The following RAB27B variants were observed in gnomAD, a reference collection of about 807,000 sequenced individuals.
RAB27B encodes the protein ras-related protein Rab-27B.
Under a neutral mutation model 24.6 loss-of-function variants are expected in RAB27B, and 15 were observed. The ratio of observed to expected loss-of-function variants is 0.61; its 90% CI spans 0.41 to 0.94. The LOEUF (loss-of-function observed/expected upper bound fraction) is 0.94. Among genes scored for constraint, RAB27B ranks in the 40% least tolerant of loss-of-function variants. RAB27B has a pLI of 0.00. For missense variants in RAB27B, 261 were observed against 266.8 expected, an observed-to-expected ratio of 0.98 and a Z score of 0.15; for synonymous variants, 105 against 92.5, an observed-to-expected ratio of 1.14 and a Z score of -0.78.
At chr18:54,801,020 T>TG (rs1436545118) in intron 2 of RAB27B, among the ~76,000 whole-genome samples, 5 of 145,008 alleles carry the variant, frequency 3.4e-5, no homozygotes, top group Admixed American at 6.8e-5. Context: ...TTTTTTTTTT[T>TG]TTTTTTTTTT....
rs371416763 is a variant in RAB27B at position 54,779,495 on chromosome 18, A to G, written c.-20+61354A>G. Among the ~76,000 whole-genome samples, 156 of 152,302 alleles carry G rather than the reference A, an allele frequency of 1.0e-3. 4 individuals carry two copies. The South Asian group carries it at 0.028, about 27-fold the overall frequency. On this transcript the variant is annotated intron_variant, in intron 2 of 4. Coordinates refer to the RAB27B transcript ENST00000586570. Reference sequence around the variant, plus strand: ...GACTGCTCGGTGGGACACAACACAGACAGAATCCCAAGATTAATGCCTCAT... The same window carrying G: ...GACTGCTCGGTGGGACACAACACAGGCAGAATCCCAAGATTAATGCCTCAT...
intron 2 of RAB27B, among the ~76,000 whole-genome samples, chr18:54,797,661 A>C (rs766254085): frequency 9.2e-5 from 14 of 152,186 alleles, no homozygotes; most frequent in Non-Finnish European, 1.9e-4. Flanking sequence ...CTAAATCTGG[A>C]GTCTAATGAG....
intron 2 of RAB27B, among the ~76,000 whole-genome samples, chr18:54,775,877 C>T (rs528676746): frequency 6.6e-6 from 1 of 152,296 alleles, no homozygotes; most frequent in South Asian, 2.1e-4. Flanking sequence ...CAACATCATC[C>T]ACCTACTGGG....
At chr18:54,826,098 A>T (rs1281238743), upstream of RAB27B, among the ~76,000 whole-genome samples, 3 of 152,256 alleles carry the variant, frequency 2.0e-5, no homozygotes, top group Non-Finnish European at 4.4e-5. Flanking sequence ...ATTTAAAAAA[A>T]TTCATTTATT....
chr18:54,877,101 T>C (rs1032098885), intron 1 of RAB27B, among the ~76,000 whole-genome samples: 4 of 152,170 alleles, frequency 2.6e-5, no homozygotes, highest in Non-Finnish European at 5.9e-5. Context: ...TTTTTCATGA[T>C]AGTGAGTTCT....
rs183204493 is a variant in RAB27B, at chr18:54,877,592, G to A, written c.7G>A (p.Asp3Asn). 48 of 1,556,696 alleles carry A rather than the reference G, an allele frequency of 3.1e-5. No individual in the cohort carries two copies. The highest frequency in any genetic ancestry group is 2.7e-4 in the African/African-American group (19 of 71,366). The change falls in exon 2 of 6, where the codon GAT becomes AAT. Residue 3 changes from aspartate to asparagine, a missense_variant. Coordinates refer to ENST00000262094, the MANE Select transcript of RAB27B (RefSeq NM_004163.4). ...ACCGACCAAGACCATCACTATGACC[G>A]ATGGAGACTATGATTATCTGATCAA... is the stretch of plus-strand genomic sequence containing the variant. MT[D>N]GDYDYLIKLL...
At chr18:54,735,556 CTG>C (rs1909864360) in intron 2 of RAB27B, among the ~76,000 whole-genome samples, 1 of 152,120 alleles carries the variant, frequency 6.6e-6, no homozygotes, top group Admixed American at 6.6e-5. Flanking sequence ...GTGTTTCACT[CTG>C]TTGCCCAGGC....
At chr18:54,868,141 AGAGATGCTAAGTGGGG>A (rs1912314550) in intron 1 of RAB27B, among the ~76,000 whole-genome samples, 1 of 152,122 alleles carries the variant, frequency 6.6e-6, no homozygotes, top group Non-Finnish European at 1.5e-5. Flanking sequence ...TAAAAGTGGG[AGAGATGCTAAGTGGGG>A]GAGATGCCTC....
intron 3 of RAB27B, chr18:54,880,796 C>T (rs1476975367): frequency 6.6e-6 from 1 of 152,094 alleles, no homozygotes; most frequent in Non-Finnish European, 1.5e-5. Context: ...TCTGTCTGTC[C>T]CCTGAAGGCA....
chr18:54,722,278 A>G (rs144283120), intron 2 of RAB27B, among the ~76,000 whole-genome samples: 1 of 152,294 alleles, frequency 6.6e-6, no homozygotes, highest in East Asian at 1.9e-4. Flanking sequence ...ACAGAAAAAG[A>G]AAGAATTGTT....
intron 1 of RAB27B, among the ~76,000 whole-genome samples, chr18:54,862,129 A>T (rs561840465): frequency 4.6e-5 from 7 of 152,302 alleles, no homozygotes; most frequent in Non-Finnish European, 8.8e-5. Context: ...AAGCAGAAAA[A>T]TTTTTGAAAT....
upstream of RAB27B, among the ~76,000 whole-genome samples, chr18:54,824,955 A>G (rs908194835): frequency 1.3e-5 from 2 of 151,856 alleles, no homozygotes; most frequent in Admixed American, 1.3e-4. Context: ...TTGGGGTTTC[A>G]TCTCTTCCTC....
intron 2 of RAB27B, 141 bp from the exon 3 acceptor site, chr18:54,879,228 A>G: frequency 1.5e-6 from 1 of 652,062 alleles, no homozygotes; most frequent in South Asian, 1.9e-5. Context: ...ATAATTCTGG[A>G]AAAAAATAAA....
chr18:54,873,796 GAAAT>G (rs372564924), intron 1 of RAB27B, among the ~76,000 whole-genome samples: 6 of 150,964 alleles, frequency 4.0e-5, no homozygotes, highest in East Asian at 2.0e-4. Context: ...TAAAAAATAA[GAAAT>G]AAAATTCATT....
At chr18:54,847,990 C>T (rs1911406998) in intron 1 of RAB27B, among the ~76,000 whole-genome samples, 1 of 152,188 alleles carries the variant, frequency 6.6e-6, no homozygotes, top group African/African-American at 2.4e-5. Flanking sequence ...AATTTATGGA[C>T]AGCAAAAGGA....
chr18:54,784,419 G>A (rs757406231), intron 2 of RAB27B, among the ~76,000 whole-genome samples: 9 of 152,100 alleles, frequency 5.9e-5, no homozygotes, highest in Non-Finnish European at 8.8e-5. Context: ...ACATTGTACC[G>A]GATAGATTGT....
intron 2 of RAB27B, among the ~76,000 whole-genome samples, chr18:54,797,494 C>T (rs1488740067): frequency 6.6e-6 from 1 of 152,038 alleles, no homozygotes; most frequent in Non-Finnish European, 1.5e-5. Flanking sequence ...CCAATTTGGG[C>T]CACAGAGTGA....
chr18:54,722,009 C>A (rs1385932704), intron 2 of RAB27B, among the ~76,000 whole-genome samples: 1 of 152,078 alleles, frequency 6.6e-6, no homozygotes, highest in Non-Finnish European at 1.5e-5. Flanking sequence ...ACCCTTGGAG[C>A]CCGTTTCATA....
rs188216417 is a variant in RAB27B at position 54,887,661 on chromosome 18, C to T, written c.344-334C>T. ...AAGAAATCTCCTTAAGCAAGAACAG[C>T]GCATGGATTAAAAAGATCTTCCAAA... On this transcript the variant is annotated intron_variant, in intron 4 of 5. Transcript: ENST00000262094. Among the ~76,000 whole-genome samples the T allele has an allele frequency of 4.3e-3, 656 of 151,850 alleles. 1 individual carries two copies. Among genetic ancestry groups the T allele is most frequent in the African/African-American group, 0.015 (628 of 41,388 alleles).
Sources: gnomAD v4.1 joint callset for allele counts (sites outside exome capture counted in the v4.1 genomes callset) on GRCh38, gnomAD v4.1.1 for gene constraint, MANE v1.5 for transcripts, NCBI Gene and HGNC (gene_info 2026-07-23, HGNC 2026-07-21) for gene names.